ANXA5: variants seen among roughly 807,000 people sequenced by gnomAD.
ANXA5 encodes the protein CBP-I.
In ANXA5, 40 loss-of-function variants were observed where a neutral mutation model predicts 48.1. The ratio of observed to expected loss-of-function variants is 0.83; its 90% CI spans 0.65 to 1.08. The LOEUF is 1.08. Among genes scored for constraint, ANXA5 ranks in the 50% least tolerant of loss-of-function variants. The pLI, the probability that ANXA5 is intolerant of heterozygous loss-of-function variation, is 0.00. For synonymous variants in ANXA5, 113 were observed against 129.1 expected (o/e 0.88, Z 0.85); for missense variants, 357 against 376.8 (o/e 0.95, Z 0.44).
chr4:121,695,455 T>A (rs1725063155), intron 2 of ANXA5, among the ~76,000 whole-genome samples: 1 of 151,998 alleles, frequency 6.6e-6, no homozygotes, highest in African/African-American at 2.4e-5. Flanking sequence ...AACACTTGTT[T>A]AAAAAAAACT....
At chr4:121,693,867 T>C (rs1725028433) in intron 2 of ANXA5, among the ~76,000 whole-genome samples, 1 of 152,202 alleles carries the variant, frequency 6.6e-6, no homozygotes, top group Non-Finnish European at 1.5e-5. Context: ...ATGCAATCAA[T>C]ATCCAGTCAG....
At chr4:121,686,424 G>T in intron 2 of ANXA5, 52 bp from the exon 3 acceptor site, 1 of 1,332,968 alleles carries the variant, frequency 7.5e-7, no homozygotes, top group Non-Finnish European at 1.1e-6. Context: ...ATATGACAAA[G>T]TAAATAACAC....
chr4:121,677,135 G>A (rs1024806694), intron 8 of ANXA5, among the ~76,000 whole-genome samples: 17 of 152,134 alleles, frequency 1.1e-4, no homozygotes, highest in African/African-American at 4.1e-4. Context: ...TTGTTCCACT[G>A]GAGGAATGAA....
At chr4:121,673,202 C>T (rs944377927) in intron 8 of ANXA5, among the ~76,000 whole-genome samples, 1 of 152,164 alleles carries the variant, frequency 6.6e-6, no homozygotes, top group African/African-American at 2.4e-5. Context: ...TAGAAGCACT[C>T]AATAAGTAGT....
At position 121,684,721 on chromosome 4, in the gene ANXA5, G is replaced by A; in HGVS notation, c.145C>T (p.Gln49Ter). The A allele has an allele frequency of 6.2e-7, 1 of 1,614,014 alleles. No homozygotes were observed. Residue 49 changes from glutamine to a stop codon, truncating the protein, a stop_gained, in exon 4 of 13, where the codon CAG (glutamine) becomes TAG (stop). Coordinates refer to ENST00000296511, the MANE Select transcript of ANXA5 (RefSeq NM_001154.4). LOFTEE classifies it high-confidence loss of function. ...LTLLTSRSNA[Q>*]RQEISAAFKT... ...AAAGCTGCAGAGATTTCCTGGCGCT[G>A]AGCATTACTTCGGGATGTCAACAGA...
intron 4 of ANXA5, among the ~76,000 whole-genome samples, chr4:121,684,357 A>C (rs1334655581): frequency 1.3e-5 from 2 of 152,234 alleles, no homozygotes; most frequent in Non-Finnish European, 2.9e-5. Context: ...ACAGGCTTAC[A>C]CCTAGAAAAT....
Position 121,668,360 on chromosome 4 carries a change from T to C in ANXA5, c.*108A>G. On this transcript the variant is annotated 3_prime_UTR_variant, in exon 13 of 13. Transcript: ENST00000296511. Reference sequence around the variant, plus strand: ...TGTGTTGGTCATGAGCATGCTAGTATGAATAAGGCAATGTGTTAAGCACTG... The same window carrying C: ...TGTGTTGGTCATGAGCATGCTAGTACGAATAAGGCAATGTGTTAAGCACTG... 1.1e-6 allele frequency: 1 copy of C among 928,934 alleles called. No individual in the cohort carries two copies. Among genetic ancestry groups the C allele is most frequent in the Non-Finnish European group, 1.8e-6 (1 of 569,968 alleles). 57.5% of individuals were successfully genotyped at this position (928,934 alleles called of 1,614,324 possible). A position where few individuals can be genotyped will look rare whatever the true frequency, so the allele number is the denominator to read the frequency against.
chr4:121,672,714 T>G, intron 8 of ANXA5, 88 bp from the exon 9 acceptor site: 1 of 874,656 alleles, frequency 1.1e-6, no homozygotes, highest in South Asian at 1.4e-5. Context: ...TCCCTGAATT[T>G]TAACTCACTT....
Position 121,684,718 on chromosome 4 carries a change from G to A in ANXA5, c.148C>T (p.Arg50Cys), listed in dbSNP as rs574246361. ...TTAAAAGCTGCAGAGATTTCCTGGCGCTGAGCATTACTTCGGGATGTCAAC... is the reference window on the plus strand; with the variant it reads ...TTAAAAGCTGCAGAGATTTCCTGGCACTGAGCATTACTTCGGGATGTCAAC... Reference protein sequence around the residue: ...TLLTSRSNAQRQEISAAFKTL... With the variant: ...TLLTSRSNAQCQEISAAFKTL... The change falls in exon 4 of 13, where the codon CGC becomes TGC. Residue 50 changes from arginine to cysteine, a missense_variant. Coordinates refer to ENST00000296511, the MANE Select transcript of ANXA5 (RefSeq NM_001154.4). The A allele has an allele frequency of 1.9e-5, 30 of 1,613,880 alleles. No individual in the cohort carries two copies. The highest frequency in any genetic ancestry group is 1.6e-4 in the Middle Eastern group (1 of 6,062).
chr4:121,683,481 A>ACCCACAGAAAATACAAATTT lies in ANXA5; in HGVS notation c.190-24_190-5dup. ...ATTTCAGGTCATCCAGAAGATCCTA[A>ACCCACAGAAAATACAAATTT]CCCACAGAAAATACAAATTTGTTAA... is the stretch of plus-strand genomic sequence containing the variant. On this transcript the variant is annotated splice_region_variant and splice_polypyrimidine_tract_variant and intron_variant, in intron 4 of 12. Coordinates refer to ENST00000296511, the MANE Select transcript of ANXA5 (RefSeq NM_001154.4). 1 of 1,534,500 alleles carries ACCCACAGAAAATACAAATTT rather than the reference A, an allele frequency of 6.5e-7. No individual in the cohort carries two copies. The highest frequency in any genetic ancestry group is 9.0e-7 in the Non-Finnish European group (1 of 1,114,170).
In ANXA5 at chr4:121,678,457, G is replaced by A. The variant is rs142008590; in HGVS notation, c.432C>T (p.Asp144=). The change falls in exon 7 of 13, where the codon GAC becomes GAT. Residue 144 remains aspartate, a synonymous_variant. Transcript: ENST00000296511. Reference sequence around the variant, plus strand: ...ACATCCGCTGGTAGTACCCTGAAGTGTCCCCCACCACGTCATCTTCCAGGC... The same window carrying A: ...ACATCCGCTGGTAGTACCCTGAAGTATCCCCCACCACGTCATCTTCCAGGC... ...GSSLEDDVVG[D]TSGYYQRMLV... 2.8e-5 allele frequency: 45 copies of A among 1,613,606 alleles called. No homozygotes were observed. Among genetic ancestry groups the A allele is most frequent in the Non-Finnish European group, 3.5e-5 (41 of 1,179,850 alleles).
At position 121,696,454 on chromosome 4, in the gene ANXA5, C is replaced by G. The variant is rs539431784; in HGVS notation, c.9+127G>C. 96 of 852,804 alleles carry G rather than the reference C, an allele frequency of 1.1e-4. No homozygotes were observed. In the African/African-American group the frequency reaches 1.7e-3, roughly 15 times the overall value. 52.8% of individuals were successfully genotyped at this position (852,804 alleles called of 1,614,324 possible). A position where few individuals can be genotyped will look rare whatever the true frequency, so the allele number is the denominator to read the frequency against. On this transcript the variant is annotated intron_variant, in intron 2 of 12. Coordinates refer to ENST00000296511, the MANE Select transcript of ANXA5 (RefSeq NM_001154.4). ...AAAGGGGGAACAAGAAAAGTGGAAG[C>G]GATGTCCCCAAAGCAGGTTCCCTTT... is the stretch of plus-strand genomic sequence containing the variant.
At chr4:121,683,171 C>T (rs902727148) in intron 5 of ANXA5, among the ~76,000 whole-genome samples, 193 bp downstream of exon 5, 1 of 152,024 alleles carries the variant, frequency 6.6e-6, no homozygotes, top group Non-Finnish European at 1.5e-5. Flanking sequence ...TTTAAATCTA[C>T]AAAAAGATGA....
At chr4:121,669,441 C>T in intron 12 of ANXA5, 161 bp downstream of exon 12, 2 of 880,388 alleles carry the variant, frequency 2.3e-6, no homozygotes, top group Non-Finnish European at 3.5e-6. Context: ...ATCATCTCTA[C>T]TTCAGGAAAC....
At chr4:121,687,201 G>A (rs1287927843) in intron 2 of ANXA5, among the ~76,000 whole-genome samples, 1 of 151,482 alleles carries the variant, frequency 6.6e-6, no homozygotes, top group African/African-American at 2.4e-5. Context: ...TTGGGAGGCT[G>A]AGGCAGGAGA....
intron 8 of ANXA5, among the ~76,000 whole-genome samples, chr4:121,672,932 G>A (rs1314494052): frequency 6.6e-6 from 1 of 152,172 alleles, no homozygotes; most frequent in East Asian, 1.9e-4. Flanking sequence ...GCAACAGTAT[G>A]GGTCAGGAGA....
chr4:121,682,419 T>A (rs769277061), intron 5 of ANXA5, among the ~76,000 whole-genome samples: 4 of 152,140 alleles, frequency 2.6e-5, no homozygotes, highest in Non-Finnish European at 4.4e-5. Context: ...ATAGCTGGAC[T>A]TAATTTTTTT....
At chr4:121,690,978 C>T (rs569197232) in intron 2 of ANXA5, among the ~76,000 whole-genome samples, 1 of 152,278 alleles carries the variant, frequency 6.6e-6, no homozygotes, top group East Asian at 1.9e-4. Flanking sequence ...CCCATCACTG[C>T]CCACCCAAAA....
chr4:121,673,364 A>G (rs975388579), intron 8 of ANXA5, among the ~76,000 whole-genome samples: 1 of 152,220 alleles, frequency 6.6e-6, no homozygotes, highest in Non-Finnish European at 1.5e-5. Context: ...AATTTATTAA[A>G]ACCCAAAGAA....
Sources: gnomAD v4.1 joint callset for allele counts (sites outside exome capture counted in the v4.1 genomes callset) on GRCh38, gnomAD v4.1.1 for gene constraint, MANE v1.5 for transcripts, NCBI Gene and HGNC (gene_info 2026-07-23, HGNC 2026-07-21) for gene names.